The following ABL1 variants were observed in gnomAD, a reference collection of about 807,000 sequenced individuals.
The protein encoded by ABL1 is ABL proto-oncogene 1, non-receptor tyrosine kinase.
Under a neutral mutation model 94.7 loss-of-function variants are expected in ABL1, and 11 were observed. The ratio of observed to expected loss-of-function variants is 0.12; its 90% CI spans 0.07 to 0.19. ABL1 has a LOEUF of 0.19. ABL1 is among the 10% of genes least tolerant of loss of function. The probability of loss-of-function intolerance (pLI) is 1.00; values close to 1 mark genes in which losing one functional copy is unlikely to be tolerated. For synonymous variants in ABL1, 656 were observed against 622.4 expected (o/e 1.05, Z -0.80); for missense variants, 1,082 against 1,489.4 (o/e 0.73, Z 4.50).
At chr9:130,727,739 G>C (rs1831605011) in intron 1 of ABL1, among the ~76,000 whole-genome samples, 1 of 137,154 alleles carries the variant, frequency 7.3e-6, no homozygotes, top group Non-Finnish European at 1.5e-5. Flanking sequence ...CTGGGTGACA[G>C]AGTGAGACAC....
chr9:130,774,040 A>G (rs1832284713), intron 1 of ABL1, among the ~76,000 whole-genome samples: 1 of 152,184 alleles, frequency 6.6e-6, no homozygotes, highest in African/African-American at 2.4e-5. Context: ...ATACAGTCAT[A>G]TACTATGTAC....
intron 8 of ABL1, among the ~76,000 whole-genome samples, chr9:130,879,252 T>C (rs189486724): frequency 6.6e-6 from 1 of 152,390 alleles, no homozygotes; most frequent in African/African-American, 2.4e-5. Flanking sequence ...CAGGATGTTT[T>C]CATATATCTT....
chr9:130,733,516 C>T (rs1343894558), intron 1 of ABL1, among the ~76,000 whole-genome samples: 1 of 151,688 alleles, frequency 6.6e-6, no homozygotes, highest in Admixed American at 6.6e-5. Flanking sequence ...ATTCTCCTGC[C>T]TCCGCCTCTC....
chr9:130,859,279 G>A (rs1831024835), intron 3 of ABL1, among the ~76,000 whole-genome samples: 1 of 152,134 alleles, frequency 6.6e-6, no homozygotes, highest in African/African-American at 2.4e-5. Flanking sequence ...TTGCCCAGTT[G>A]ACATTTATTT....
chr9:130,884,717 C>T lies in ABL1; in HGVS notation c.2427C>T (p.Ser809=), dbSNP rs1485338353. ...KDIMESSPGS[S]PPNLTPKPLR... ...TCATGGAGTCCAGCCCGGGCTCCAG[C>T]CCGCCCAACCTGACTCCAAAACCCC... The change falls in exon 11 of 11, where the codon AGC becomes AGT. Residue 809 remains serine, a synonymous_variant. Coordinates refer to ENST00000318560, the MANE Select transcript of ABL1 (RefSeq NM_005157.6). This position sits in a 1 kb window ranked among gnomAD's most constrained non-coding sequence, Gnocchi z 5.6. The T allele has an allele frequency of 1.2e-6, 2 of 1,612,562 alleles. No individual in the cohort carries two copies. Among genetic ancestry groups the T allele is most frequent in the Non-Finnish European group, 1.7e-6 (2 of 1,179,886 alleles).
At chr9:130,785,149 C>T (rs1343524788) in intron 1 of ABL1, among the ~76,000 whole-genome samples, 1 of 152,206 alleles carries the variant, frequency 6.6e-6, no homozygotes, top group African/African-American at 2.4e-5. Context: ...GCTTTGTCAA[C>T]AGAGTGCTGG....
intron 1 of ABL1, among the ~76,000 whole-genome samples, chr9:130,805,362 G>A (rs190378187): frequency 9.8e-4 from 149 of 152,340 alleles, no homozygotes; most frequent in African/African-American, 3.2e-3. Context: ...ACAGGCATGA[G>A]CCACTGCACC....
At chr9:130,808,237 TC>T (rs1564296067) in intron 1 of ABL1, among the ~76,000 whole-genome samples, 73 of 141,746 alleles carry the variant, frequency 5.2e-4, no homozygotes, top group African/African-American at 1.6e-3. Flanking sequence ...TTCTTCTTCT[TC>T]TTCTTCTTCT....
At chr9:130,806,807 T>C (rs1487076339) in intron 1 of ABL1, among the ~76,000 whole-genome samples, 1 of 152,246 alleles carries the variant, frequency 6.6e-6, no homozygotes, top group African/African-American at 2.4e-5. Flanking sequence ...ACAATATGTC[T>C]TGGATACATT....
intron 1 of ABL1, among the ~76,000 whole-genome samples, chr9:130,735,953 A>ATG (rs869189501): frequency 7.4e-5 from 6 of 81,508 alleles, no homozygotes; most frequent in African/African-American, 6.3e-4. Context: ...ATATATATAT[A>ATG]TATATATATT....
chr9:130,748,725 G>A (rs1322291935), intron 1 of ABL1, among the ~76,000 whole-genome samples: 20 of 152,196 alleles, frequency 1.3e-4, no homozygotes, highest in South Asian at 4.2e-4. Context: ...ACAGGCATGC[G>A]CCACTGCTGC....
At chr9:130,874,844 T>C (rs763308766) in intron 6 of ABL1, 24 bp from the exon 7 acceptor site, 1 of 1,613,368 alleles carries the variant, frequency 6.2e-7, no homozygotes, top group Non-Finnish European at 8.5e-7. Context: ...GGAGCTCTCA[T>C]GGGTGAACAT....
intron 3 of ABL1, among the ~76,000 whole-genome samples, chr9:130,859,677 C>T (rs1333293704): frequency 0.056 from 4,394 of 78,070 alleles, 380 homozygotes; most frequent in Admixed American, 0.08. Context: ...TCTTTCTTTC[C>T]TTTTTTTTTT....
At chr9:130,754,882 G>A in intron 1 of ABL1, among the ~76,000 whole-genome samples, 1 of 152,280 alleles carries the variant, frequency 6.6e-6, no homozygotes, top group Non-Finnish European at 1.5e-5. Flanking sequence ...GATATATTCA[G>A]GTGGGAAAGG....
intron 1 of ABL1, among the ~76,000 whole-genome samples, chr9:130,737,646 G>C (rs1457758719): frequency 6.6e-6 from 1 of 152,090 alleles, no homozygotes; most frequent in African/African-American, 2.4e-5. Context: ...TTTCAGGGAA[G>C]CCACAAGCAG....
intron 1 of ABL1, among the ~76,000 whole-genome samples, chr9:130,761,167 C>T (rs965274202): frequency 1.3e-5 from 2 of 152,166 alleles, no homozygotes; most frequent in Non-Finnish European, 2.9e-5. Context: ...CAGGGTTTCA[C>T]TGTGTTACCC....
At chr9:130,870,181 A>T (rs1359751737) in intron 4 of ABL1, among the ~76,000 whole-genome samples, 1 of 152,198 alleles carries the variant, frequency 6.6e-6, no homozygotes, top group African/African-American at 2.4e-5. Flanking sequence ...ACAAATTCAC[A>T]TTGATTTTTC....
At chr9:130,829,541 G>A (rs562957500) in intron 1 of ABL1, among the ~76,000 whole-genome samples, 1 of 150,538 alleles carries the variant, frequency 6.6e-6, no homozygotes, top group African/African-American at 2.4e-5. Flanking sequence ...CTCCCGCCTG[G>A]GTGACAGAGC....
At chr9:130,770,856 C>T (rs1352410396) in intron 1 of ABL1, among the ~76,000 whole-genome samples, 1 of 152,134 alleles carries the variant, frequency 6.6e-6, no homozygotes, top group Non-Finnish European at 1.5e-5. Flanking sequence ...CCCAGCCTAC[C>T]CCTTAACCTA....
Sources: allele counts gnomAD v4.1 joint callset (sites outside exome capture counted in the v4.1 genomes callset), GRCh38; gene constraint gnomAD v4.1.1; non-coding constraint Gnocchi (gnomAD v3.1); transcripts MANE v1.5; gene names NCBI Gene and HGNC (gene_info 2026-07-23, HGNC 2026-07-21).